The following TNNT3 variants were observed in gnomAD, a reference collection of about 807,000 sequenced individuals.
The protein encoded by TNNT3 is troponin T3, fast skeletal type, also known as troponin T, fast skeletal muscle.
TNNT3 carries 36 observed loss-of-function variants against 54.2 expected under a neutral mutation model. The observed-to-expected ratio is 0.66, with a 90% CI of 0.51 to 0.88. The LOEUF is 0.88. Among genes scored for constraint, TNNT3 ranks in the 40% least tolerant of loss-of-function variants. TNNT3 has a pLI of 0.00. For missense variants in TNNT3, 291 were observed against 331.6 expected, an observed-to-expected ratio of 0.88 and a Z score of 0.95; for synonymous variants, 120 against 109.7, an observed-to-expected ratio of 1.09 and a Z score of -0.59.
intron 4 of TNNT3, among the ~76,000 whole-genome samples, chr11:1,923,821 A>T (rs558294893): frequency 6.6e-6 from 1 of 152,010 alleles, no homozygotes; most frequent in South Asian, 2.1e-4. Context: ...TGTCTCTTTA[A>T]TCGATTAATA....
Position 1,925,117 on chromosome 11 carries a change from G to A in TNNT3, c.67+1G>A, listed in dbSNP as rs1406691213. On this transcript the variant is annotated splice_donor_variant, in intron 5 of 15. Transcript: ENST00000278317. LOFTEE classifies it high-confidence loss of function. ...CTCTCAGAGGAAGCCCAGGAGGAAG[G>A]TAAGTGGGGTCCAAGGCCCCGGCCC... 3.1e-6 allele frequency: 5 copies of A among 1,613,006 alleles called. No individual in the cohort carries two copies. The highest frequency in any genetic ancestry group is 2.2e-5 in the East Asian group (1 of 44,852).
chr11:1,925,403 C>A (rs1159695302), intron 5 of TNNT3: 12 of 1,057,356 alleles, frequency 1.1e-5, no homozygotes, highest in African/African-American at 1.6e-5. Flanking sequence ...GGGGCCCCCA[C>A]ATGTGGCCCT....
chr11:1,935,846 G>A (rs559942590), intron 14 of TNNT3, among the ~76,000 whole-genome samples: 87 of 152,268 alleles, frequency 5.7e-4, no homozygotes, highest in African/African-American at 2.1e-3. Context: ...CTTCTCGGGG[G>A]TTCTGGGCAG....
chr11:1,934,943 T>C, intron 14 of TNNT3, 24 bp downstream of exon 14: 1 of 1,610,024 alleles, frequency 6.2e-7, no homozygotes, highest in Non-Finnish European at 8.5e-7. Flanking sequence ...CCTCCGGCCC[T>C]GGGGCCCTAG....
intron 4 of TNNT3, among the ~76,000 whole-genome samples, chr11:1,924,242 C>G (rs1850877696): frequency 6.6e-6 from 1 of 152,210 alleles, no homozygotes; most frequent in Non-Finnish European, 1.5e-5. Flanking sequence ...GTGCTGTAAC[C>G]CTGGGTGGAG....
Position 1,934,445 on chromosome 11 carries a change from G to A in TNNT3, c.480G>A (p.Lys160=). The change falls in exon 12 of 16, where the codon AAG becomes AAA. Residue 160 remains lysine, a splice_region_variant and synonymous_variant. Transcript: ENST00000278317. The part of the protein sequence containing the change: ...MGANYSSYLA[K]ADQKRGKKQT... Reference sequence around the variant, plus strand: ...CCAACTACAGCAGCTACCTGGCCAAGGTGTGTGCCGCTGCTGGGAGCACGG... The same window carrying A: ...CCAACTACAGCAGCTACCTGGCCAAAGTGTGTGCCGCTGCTGGGAGCACGG... 9 of 1,613,432 alleles carry A rather than the reference G, an allele frequency of 5.6e-6. No individual in the cohort carries two copies. The highest frequency in any genetic ancestry group is 5.9e-6 in the Non-Finnish European group (7 of 1,179,934).
At chr11:1,926,523 T>C in intron 5 of TNNT3, 172 bp from the exon 6 acceptor site, 9 of 1,612,932 alleles carry the variant, frequency 5.6e-6, no homozygotes, top group Non-Finnish European at 7.6e-6. Flanking sequence ...CGTGTGGCCA[T>C]GTGGGGGGTG....
At chr11:1,925,405 T>G in intron 5 of TNNT3, 1 of 1,050,504 alleles carries the variant, frequency 9.5e-7, no homozygotes, top group Non-Finnish European at 1.4e-6. Flanking sequence ...GGCCCCCACA[T>G]GTGGCCCTAA....
chr11:1,921,576 A>AG (rs1459308251), intron 1 of TNNT3: 1 of 152,242 alleles, frequency 6.6e-6, no homozygotes, highest in Non-Finnish European at 1.5e-5. Context: ...ATTCTGGGAT[A>AG]GGAAAAAGCT....
Position 1,936,099 on chromosome 11 carries a change from C to T in TNNT3, c.682-864C>T, listed in dbSNP as rs557479957. ...TGGCTTTGGATAGATGCGGCCACAG[C>T]GGGCCCCCAGGGGCTCCAGAGCCTG... On this transcript the variant is annotated intron_variant, in intron 14 of 15. Transcript: ENST00000278317. 3.0e-4 allele frequency: 344 copies of T among 1,163,438 alleles called. 10 individuals carry two copies. In the South Asian group the frequency reaches 3.7e-3, roughly 13 times the overall value. 72.1% of individuals were successfully genotyped at this position (1,163,438 alleles called of 1,614,324 possible). A position where few individuals can be genotyped will look rare whatever the true frequency, so the allele number is the denominator to read the frequency against.
chr11:1,927,357 C>T (rs530429554), intron 6 of TNNT3, among the ~76,000 whole-genome samples: 48 of 152,248 alleles, frequency 3.2e-4, no homozygotes, highest in Admixed American at 9.8e-4. Context: ...GTAGTGGGGC[C>T]GGCTGTACTG....
chr11:1,933,407 C>A (rs1019054958), intron 9 of TNNT3, among the ~76,000 whole-genome samples: 1 of 152,198 alleles, frequency 6.6e-6, no homozygotes, highest in African/African-American at 2.4e-5. Context: ...CAGGCCCATG[C>A]AGGGCATCTC....
intron 7 of TNNT3, among the ~76,000 whole-genome samples, 180 bp downstream of exon 7, chr11:1,929,323 T>A (rs761172908): frequency 6.6e-6 from 1 of 152,078 alleles, no homozygotes; most frequent in African/African-American, 2.4e-5. Flanking sequence ...GCCGCTGGGG[T>A]CGAGCTGCCA....
intron 6 of TNNT3, chr11:1,928,870 T>A: frequency 7.2e-6 from 4 of 558,512 alleles, no homozygotes; most frequent in South Asian, 1.9e-5. Context: ...GTGTCCCTCC[T>A]ATTCTCCACT....
chr11:1,929,002 A>G (rs766719434), intron 6 of TNNT3, 118 bp from the exon 7 acceptor site: 1 of 1,162,974 alleles, frequency 8.6e-7, no homozygotes. Flanking sequence ...TGGAGAAGAG[A>G]GTGTCCGAGT....
Position 1,933,795 on chromosome 11 carries a change from G to T in TNNT3, c.246G>T (p.Arg82=), listed in dbSNP as rs762855260. Residue 82 remains arginine (R), a synonymous_variant, in exon 10 of 16, where the codon CGG becomes CGT. Coordinates refer to ENST00000278317, the MANE Select transcript of TNNT3 (RefSeq NM_006757.4). ...QALIDSHFEA[R]KKEEEELVAL... ...TCATCGACAGCCACTTTGAAGCCCGGAAGAAGGAGGAGGAGGAGCTGGTCG... is the reference window on the plus strand; with the variant it reads ...TCATCGACAGCCACTTTGAAGCCCGTAAGAAGGAGGAGGAGGAGCTGGTCG... 6.2e-7 allele frequency: 1 copy of T among 1,612,916 alleles called. No individual in the cohort carries two copies. Among genetic ancestry groups the T allele is most frequent in the East Asian group, 2.2e-5 (1 of 44,880 alleles).
intron 7 of TNNT3, 47 bp downstream of exon 7, chr11:1,929,190 C>A (rs1000835287): frequency 1.9e-6 from 3 of 1,607,084 alleles, no homozygotes; most frequent in Non-Finnish European, 2.5e-6. Context: ...CTGGCTCTAG[C>A]CGACGCGAGG....
Position 1,938,492 on chromosome 11 carries a change from G to A in TNNT3, c.777G>A (p.Ter259=), listed in dbSNP as rs999119835. 1.2e-6 allele frequency: 2 copies of A among 1,613,238 alleles called. No individual in the cohort carries two copies. Among genetic ancestry groups the A allele is most frequent in the Middle Eastern group, 1.6e-4 (1 of 6,062 alleles). ...AKGKVGGRWK[*] The stretch of plus-strand genomic sequence containing the variant: ...GCAAAGTCGGCGGGCGCTGGAAGTA[G>A]AGAGGCCAGAAAGGCCCCTCGAGGC... Residue 259 remains the stop codon, a stop_retained_variant, in exon 16 of 16, where the codon TAG becomes TAA. Transcript: ENST00000278317.
At chr11:1,935,813 G>C (rs1854851360) in intron 14 of TNNT3, among the ~76,000 whole-genome samples, 1 of 152,104 alleles carries the variant, frequency 6.6e-6, no homozygotes, top group Non-Finnish European at 1.5e-5. Flanking sequence ...ACCAGTCCAA[G>C]CCAGCCGGGC....
Sources: allele counts gnomAD v4.1 joint callset (sites outside exome capture counted in the v4.1 genomes callset), GRCh38; gene constraint gnomAD v4.1.1; transcripts MANE v1.5; gene names NCBI Gene and HGNC (gene_info 2026-07-23, HGNC 2026-07-21).